DTX4: variants seen among roughly 807,000 people sequenced by gnomAD.
DTX4 encodes the protein E3 ubiquitin-protein ligase DTX4.
In DTX4, 28 loss-of-function variants were observed where a neutral mutation model predicts 57.6. The ratio of observed to expected loss-of-function variants is 0.49; its 90% CI spans 0.36 to 0.67. DTX4 has a LOEUF of 0.67. Ranked by LOEUF, DTX4 falls within the 30% of genes least tolerant of loss-of-function variation. DTX4 has a pLI of 0.00. For synonymous variants in DTX4, 316 were observed against 331.0 expected (o/e 0.95, Z 0.49); for missense variants, 715 against 836.8 (o/e 0.85, Z 1.80).
In DTX4 at chr11:59,204,946, A is replaced by G. The variant is rs1159655159; in HGVS notation, c.*37A>G. On this transcript the variant is annotated 3_prime_UTR_variant, in exon 9 of 9. Transcript: ENST00000227451. ...CTTTGAGGTGGGAGGGGCCATGGAGACTGCAGGACAGGAAGTGAGGAGAGT... is the reference window on the plus strand; with the variant it reads ...CTTTGAGGTGGGAGGGGCCATGGAGGCTGCAGGACAGGAAGTGAGGAGAGT... The G allele has an allele frequency of 1.3e-6, 2 of 1,525,992 alleles. No homozygotes were observed. The highest frequency in any genetic ancestry group is 1.2e-5 in the South Asian group (1 of 83,524). 94.5% of individuals were successfully genotyped at this position (1,525,992 alleles called of 1,614,324 possible).
Position 59,182,318 on chromosome 11 carries a change from G to A in DTX4, c.791G>A (p.Ser264Asn), listed in dbSNP as rs1590981212. 1 of 1,612,668 alleles carries A rather than the reference G, an allele frequency of 6.2e-7. No homozygotes were observed. Among genetic ancestry groups the A allele is most frequent in the Admixed American group, 1.7e-5 (1 of 60,010 alleles). ...PSQVIRRQAS[S>N]MPTGTTMGSP... is the part of the protein sequence containing the mutation. Reference sequence around the variant, plus strand: ...CAGGTGATCCGGAGACAAGCCTCCAGCATGCCCACTGGGACAACCATGGGC... The same window carrying A: ...CAGGTGATCCGGAGACAAGCCTCCAACATGCCCACTGGGACAACCATGGGC... Residue 264 changes from serine (S) to asparagine (N), a missense_variant, in exon 2 of 9, where the codon AGC becomes AAC. Ser to Asn is a conservative substitution (Grantham distance 46, BLOSUM62 1). Transcript: ENST00000227451.
chr11:59,191,819 C>A (rs537396336), intron 5 of DTX4, among the ~76,000 whole-genome samples: 2 of 152,290 alleles, frequency 1.3e-5, no homozygotes, highest in South Asian at 2.1e-4. Flanking sequence ...CCTCCATAAG[C>A]CGTTGAAGGA....
At chr11:59,201,713 A>G (rs2135526677) in intron 8 of DTX4, among the ~76,000 whole-genome samples, 1 of 152,350 alleles carries the variant, frequency 6.6e-6, no homozygotes. Flanking sequence ...GGTCAGGACC[A>G]TCCCTGATAC....
intron 2 of DTX4, among the ~76,000 whole-genome samples, chr11:59,184,031 C>T (rs970472711): frequency 5.9e-5 from 9 of 152,204 alleles, no homozygotes; most frequent in Admixed American, 5.9e-4. Flanking sequence ...AGCCCAGCTC[C>T]TCATTGTACA....
intron 7 of DTX4, among the ~76,000 whole-genome samples, chr11:59,197,626 A>G (rs947722157): frequency 2.0e-5 from 3 of 152,214 alleles, no homozygotes; most frequent in Admixed American, 6.5e-5. Context: ...GGGGATGGCC[A>G]GAGGAAAGAA....
chr11:59,204,304 C>T (rs10501377), intron 8 of DTX4, among the ~76,000 whole-genome samples: 27,710 of 152,132 alleles, frequency 0.18, 2,710 homozygotes, highest in South Asian at 0.29. Context: ...AAAATGCAGC[C>T]GTTATGTTGG....
intron 5 of DTX4, among the ~76,000 whole-genome samples, chr11:59,191,803 T>G (rs916157734): frequency 1.3e-5 from 2 of 152,242 alleles, no homozygotes; most frequent in African/African-American, 4.8e-5. Context: ...TTGACAGTAT[T>G]TGTTTCCTCC....
chr11:59,171,763 C>G (rs983588073), upstream of DTX4, among the ~76,000 whole-genome samples: 1 of 151,936 alleles, frequency 6.6e-6, no homozygotes, highest in African/African-American at 2.4e-5. Flanking sequence ...TGTGCCAGTG[C>G]GTGCGCAAGC....
chr11:59,192,303 A>G, intron 6 of DTX4, 53 bp downstream of exon 6: 2 of 1,607,140 alleles, frequency 1.2e-6, no homozygotes, highest in Non-Finnish European at 1.7e-6. Context: ...GCTCTGGAGT[A>G]GCAAGATGGT....
rs775859454 is a variant in DTX4 at position 59,179,048 on chromosome 11, T to TA, written c.212-2676dup. Among the ~76,000 whole-genome samples, 795 of 137,960 alleles carry TA rather than the reference T, an allele frequency of 5.8e-3. 9 individuals carry two copies. The highest frequency in any genetic ancestry group is 0.016 in the African/African-American group (614 of 37,458). The allele number at this position is 137,960 out of a possible 152,430, so 90.5% of individuals were successfully genotyped here. On this transcript the variant is annotated intron_variant, in intron 1 of 8. Transcript: ENST00000227451. The stretch of plus-strand genomic sequence containing the variant: ...CCAGGATTGATAACAGTATTGTGTT[T>TA]AAAAAAAAAAAAAAAGTCTTTTAGG...
chr11:59,178,355 C>A (rs573943583), intron 1 of DTX4, among the ~76,000 whole-genome samples: 3 of 152,190 alleles, frequency 2.0e-5, no homozygotes, highest in Non-Finnish European at 4.4e-5. Flanking sequence ...TTCCTGCCAA[C>A]ATGCATTTTG....
rs751061463 is a variant in DTX4 at position 59,195,358 on chromosome 11, C to T, written c.1525C>T (p.Pro509Ser). Residue 509 changes from proline (P) to serine (S), a missense_variant, in exon 7 of 9, where the codon CCC becomes TCC. By Grantham distance (74) the Pro-to-Ser change is moderately conservative. Transcript: ENST00000227451. ...KTIRIIYSIP[P>S]GIQGPEHPNP... is the part of the protein sequence containing the mutation. ...CATCCGGATCATCTACAGCATCCCCCCCGGCATTCAGGTGAGCCTTTCTCT... is the reference window on the plus strand; with the variant it reads ...CATCCGGATCATCTACAGCATCCCCTCCGGCATTCAGGTGAGCCTTTCTCT... 23 of 1,605,340 alleles carry T rather than the reference C, an allele frequency of 1.4e-5. No individual in the cohort carries two copies. The highest frequency in any genetic ancestry group is 1.9e-5 in the Non-Finnish European group (22 of 1,173,630).
At chr11:59,175,551 A>G (rs370890734) in intron 1 of DTX4, among the ~76,000 whole-genome samples, 4 of 152,042 alleles carry the variant, frequency 2.6e-5, no homozygotes, top group African/African-American at 9.7e-5. Context: ...AGTCTTCTCT[A>G]GGCATTTTGG....
rs540151352 is a variant in DTX4, at chr11:59,178,880, T to A, written c.212-2859T>A. Reference sequence around the variant, plus strand: ...TGTGGGGAAGGGAGTCAGGGAACTCTGGGGGAATGCATGAGGATAAAAGGG... The same window carrying A: ...TGTGGGGAAGGGAGTCAGGGAACTCAGGGGGAATGCATGAGGATAAAAGGG... On this transcript the variant is annotated intron_variant, in intron 1 of 8. Coordinates refer to ENST00000227451, the MANE Select transcript of DTX4 (RefSeq NM_015177.2). 3.3e-5 allele frequency among the ~76,000 whole-genome samples: 5 copies of A among 152,038 alleles called. No homozygotes were observed. The South Asian group carries it at 8.3e-4, about 25-fold the overall frequency.
chr11:59,176,401 G>A (rs1003658436), intron 1 of DTX4, among the ~76,000 whole-genome samples: 3 of 152,262 alleles, frequency 2.0e-5, no homozygotes, highest in Non-Finnish European at 4.4e-5. Flanking sequence ...AGGGTTTACA[G>A]CTAGTCAATG....
intron 7 of DTX4, among the ~76,000 whole-genome samples, chr11:59,197,088 A>G (rs577840316): frequency 5.3e-5 from 8 of 152,270 alleles, no homozygotes; most frequent in African/African-American, 1.4e-4. Flanking sequence ...CAGGAGCCCA[A>G]TTGGCAGAGG....
intron 1 of DTX4, 144 bp downstream of exon 1, chr11:59,172,950 T>C (rs1862347052): frequency 1.8e-6 from 1 of 558,302 alleles, no homozygotes; most frequent in East Asian, 3.4e-5. Context: ...TGGGAGGCGA[T>C]TCACTCCGCT....
rs189597787 is a variant in DTX4 at position 59,204,508 on chromosome 11, C to T, written c.1627-168C>T. Among the ~76,000 whole-genome samples, 5 of 152,332 alleles carry T rather than the reference C, an allele frequency of 3.3e-5. No individual in the cohort carries two copies. The East Asian group carries it at 9.6e-4, about 29-fold the overall frequency. On this transcript the variant is annotated intron_variant, in intron 8 of 8. Coordinates refer to ENST00000227451, the MANE Select transcript of DTX4 (RefSeq NM_015177.2). ...TTCAGTGACAGAGCCAGGACTCAGC[C>T]TGTAGCTCCCAAACTCCAAGTCCAA... is the stretch of plus-strand genomic sequence containing the variant.
At position 59,181,754 on chromosome 11, in the gene DTX4, T is replaced by G; in HGVS notation, c.227T>G (p.Val76Gly). 6.2e-7 allele frequency: 1 copy of G among 1,605,020 alleles called. No individual in the cohort carries two copies. Among genetic ancestry groups the G allele is most frequent in the Non-Finnish European group, 8.5e-7 (1 of 1,174,132 alleles). Residue 76 changes from valine (V) to glycine (G), a missense_variant, in exon 2 of 9, where the codon GTT becomes GGT. By Grantham distance (109) the Val-to-Gly change is moderately radical. Coordinates refer to ENST00000227451, the MANE Select transcript of DTX4 (RefSeq NM_015177.2). ...ACCCTGGCAGGAACTCTCCGCCCAG[T>G]TCGCCGCAACTACTACGACCCCTCC... is the stretch of plus-strand genomic sequence containing the variant. ...FRQDTGTLRP[V>G]RRNYYDPSSA... is the part of the protein sequence containing the mutation.
Sources: allele counts gnomAD v4.1 joint callset (sites outside exome capture counted in the v4.1 genomes callset), GRCh38; gene constraint gnomAD v4.1.1; transcripts MANE v1.5; gene names NCBI Gene and HGNC (gene_info 2026-07-23, HGNC 2026-07-21).